The following PEAK1 variants were observed in gnomAD, a reference collection of about 807,000 sequenced individuals.
PEAK1 encodes inactive tyrosine-protein kinase PEAK1.
In PEAK1, 54 loss-of-function variants were observed where a neutral mutation model predicts 124.7. The ratio of observed to expected loss-of-function variants is 0.43; its 90% CI spans 0.35 to 0.54. The LOEUF is 0.54. PEAK1 is among the 20% of genes least tolerant of loss of function. The pLI, the probability that PEAK1 is intolerant of heterozygous loss-of-function variation, is 0.01. For missense variants in PEAK1, 2,046 were observed against 2,134.5 expected, an observed-to-expected ratio of 0.96 and a Z score of 0.82; for synonymous variants, 719 against 760.0, an observed-to-expected ratio of 0.95 and a Z score of 0.89.
intron 6 of PEAK1, among the ~76,000 whole-genome samples, chr15:77,221,844 GATT>G: frequency 6.6e-6 from 1 of 152,214 alleles, no homozygotes; most frequent in Non-Finnish European, 1.5e-5. Flanking sequence ...TGCCTGAAAA[GATT>G]ACTAACCAAA....
chr15:77,137,556 C>T (rs377318740), intron 8 of PEAK1, among the ~76,000 whole-genome samples: 23 of 152,322 alleles, frequency 1.5e-4, no homozygotes, highest in African/African-American at 5.5e-4. Context: ...CGCTGGATTT[C>T]GGACTTGTGT....
At chr15:77,344,688 T>C (rs1262640032) in intron 2 of PEAK1, among the ~76,000 whole-genome samples, 4 of 152,266 alleles carry the variant, frequency 2.6e-5, no homozygotes, top group Non-Finnish European at 5.9e-5. Flanking sequence ...TTCCAACCCA[T>C]GAACATGGGC....
At chr15:77,387,425 G>A (rs1418177545) in intron 1 of PEAK1, among the ~76,000 whole-genome samples, 1 of 152,140 alleles carries the variant, frequency 6.6e-6, no homozygotes, top group East Asian at 1.9e-4. Context: ...TTTTGTTTAA[G>A]GCAAAACAGA....
At chr15:77,338,848 T>G (rs994920817) in intron 2 of PEAK1, among the ~76,000 whole-genome samples, 1 of 151,916 alleles carries the variant, frequency 6.6e-6, no homozygotes, top group African/African-American at 2.4e-5. Context: ...AATTAACACT[T>G]ATAGTAAATT....
intron 9 of PEAK1, among the ~76,000 whole-genome samples, chr15:77,127,532 A>C (rs1228142543): frequency 6.6e-6 from 1 of 152,182 alleles, no homozygotes; most frequent in Admixed American, 6.5e-5. Flanking sequence ...AGTAACAAGG[A>C]ACATTATTGG....
intron 8 of PEAK1, among the ~76,000 whole-genome samples, chr15:77,141,809 A>G (rs1327404770): frequency 2.0e-5 from 3 of 152,188 alleles, no homozygotes; most frequent in Non-Finnish European, 2.9e-5. Context: ...ATGCTATTGA[A>G]TCCCTACCTC....
intron 7 of PEAK1, among the ~76,000 whole-genome samples, chr15:77,171,011 T>A (rs1369127576): frequency 3.9e-5 from 6 of 152,200 alleles, no homozygotes; most frequent in Non-Finnish European, 8.8e-5. Context: ...ATAGAAATGG[T>A]GCCTGGGTAC....
At chr15:77,259,425 C>G (rs1392103703) in intron 5 of PEAK1, among the ~76,000 whole-genome samples, 1 of 151,978 alleles carries the variant, frequency 6.6e-6, no homozygotes, top group Non-Finnish European at 1.5e-5. Flanking sequence ...TGATCAGTTT[C>G]TGATTTAAAG....
At chr15:77,356,044 G>T in intron 2 of PEAK1, 1 of 620,360 alleles carries the variant, frequency 1.6e-6, no homozygotes, top group Non-Finnish European at 2.0e-6. Flanking sequence ...GTGCCCATGT[G>T]CACACGACCT....
chr15:77,306,059 T>C (rs1392926324), intron 2 of PEAK1, among the ~76,000 whole-genome samples: 2 of 152,174 alleles, frequency 1.3e-5, no homozygotes, highest in African/African-American at 4.8e-5. Flanking sequence ...CTTAGACATA[T>C]AAAACCCAAA....
intron 6 of PEAK1, among the ~76,000 whole-genome samples, chr15:77,251,719 G>A (rs889083800): frequency 2.0e-5 from 3 of 152,112 alleles, no homozygotes; most frequent in Non-Finnish European, 4.4e-5. Flanking sequence ...GGGATGTCAG[G>A]GGGGACAGCA....
chr15:77,160,316 G>A (rs188000893), intron 7 of PEAK1, among the ~76,000 whole-genome samples: 2 of 152,266 alleles, frequency 1.3e-5, no homozygotes, highest in African/African-American at 4.8e-5. Flanking sequence ...AAGGGAAAAT[G>A]TTTTCTGGCA....
intron 6 of PEAK1, among the ~76,000 whole-genome samples, chr15:77,194,060 A>G (rs951504810): frequency 1.3e-5 from 2 of 152,180 alleles, no homozygotes; most frequent in African/African-American, 4.8e-5. Context: ...TCTTTCCTCC[A>G]AAACACAGTA....
intron 2 of PEAK1, chr15:77,345,926 A>G (rs1468309966): frequency 3.0e-6 from 3 of 984,972 alleles, no homozygotes; most frequent in African/African-American, 1.7e-5. Context: ...CTACACATAC[A>G]TATTAATTAT....
intron 2 of PEAK1, chr15:77,350,988 A>G: frequency 6.2e-6 from 6 of 961,598 alleles, no homozygotes; most frequent in Non-Finnish European, 7.4e-6. Context: ...ATTAAGCACT[A>G]TTGTGTACTA....
intron 6 of PEAK1, among the ~76,000 whole-genome samples, chr15:77,246,123 C>A (rs2060573508): frequency 7.1e-6 from 1 of 141,724 alleles, no homozygotes; most frequent in Non-Finnish European, 1.6e-5. Flanking sequence ...ATTATCCTGC[C>A]TCAGCCTCTC....
Position 77,253,245 on chromosome 15 carries a change from T to TG in PEAK1, c.-274-720dup, listed in dbSNP as rs59178188. Reference sequence around the variant, plus strand: ...AGCATCTGTGAATTTTGGTATGCGTTGGGGGGGGGGTGGTCCTGGAGCCAA... The same window carrying TG: ...AGCATCTGTGAATTTTGGTATGCGTTGGGGGGGGGGGTGGTCCTGGAGCCAA... On this transcript the variant is annotated intron_variant, in intron 5 of 9. Coordinates refer to ENST00000682557, the MANE Select transcript of PEAK1 (RefSeq NM_001385026.1). Among the ~76,000 whole-genome samples the TG allele has an allele frequency of 3.4e-3, 439 of 129,896 alleles. 9 individuals carry two copies. Among genetic ancestry groups the TG allele is most frequent in the South Asian group, 0.031 (117 of 3,830 alleles). 85.2% of individuals were successfully genotyped at this position (129,896 alleles called of 152,430 possible).
chr15:77,336,274 C>T lies in PEAK1; in HGVS notation c.-603+28889G>A, dbSNP rs1409028019. 4.1e-6 allele frequency: 4 copies of T among 985,278 alleles called. No individual in the cohort carries two copies. In the East Asian group the frequency reaches 4.5e-4, roughly 112 times the overall value. The allele number at this position is 985,278 out of a possible 1,614,324, so 61.0% of individuals were successfully genotyped here. A position where few individuals can be genotyped will look rare whatever the true frequency, so the allele number is the denominator to read the frequency against. On this transcript the variant is annotated intron_variant, in intron 2 of 9. Coordinates refer to ENST00000682557, the MANE Select transcript of PEAK1 (RefSeq NM_001385026.1). ...AAAGAATCTAATCATTTACATCTTG[C>T]AGAACTAAACTGTCCACATGGCTGG...
At chr15:77,156,346 T>C (rs1218934921) in intron 8 of PEAK1, 1 of 152,528 alleles carries the variant, frequency 6.6e-6, no homozygotes, top group Non-Finnish European at 1.5e-5. Context: ...TTAAGCCCGT[T>C]GGAAAAGCAC....
Sources: gnomAD v4.1 joint callset for allele counts (sites outside exome capture counted in the v4.1 genomes callset) on GRCh38, gnomAD v4.1.1 for gene constraint, MANE v1.5 for transcripts, NCBI Gene and HGNC (gene_info 2026-07-23, HGNC 2026-07-21) for gene names.